PFKFB3: variants seen among roughly 807,000 people sequenced by gnomAD.
PFKFB3 encodes the protein 6-phosphofructo-2-kinase/fructose-2,6-bisphosphatase 3.
In PFKFB3, 33 loss-of-function variants were observed where a neutral mutation model predicts 68.0. That is an observed-to-expected ratio of 0.49 (90% CI 0.37 to 0.65). The LOEUF (loss-of-function observed/expected upper bound fraction) is 0.65, where lower values mean the gene tolerates loss of function less well. Ranked by LOEUF, PFKFB3 falls within the 30% of genes least tolerant of loss-of-function variation. The pLI, the probability that PFKFB3 is intolerant of heterozygous loss-of-function variation, is 0.00. For missense variants in PFKFB3, 586 were observed against 712.2 expected (o/e 0.82, Z 2.02); for synonymous variants, 315 against 288.2 (o/e 1.09, Z -0.94).
At chr10:6,237,075 AG>A (rs1345814827), downstream of PFKFB3, among the ~76,000 whole-genome samples, 1 of 152,194 alleles carries the variant, frequency 6.6e-6, no homozygotes, top group African/African-American at 2.4e-5. Flanking sequence ...CACCCACCGC[AG>A]GGCCTTCGAG....
chr10:6,161,587 TATATATATACACACACAC>T (rs947053880), intron 1 of PFKFB3, among the ~76,000 whole-genome samples: 2 of 150,738 alleles, frequency 1.3e-5, no homozygotes, highest in African/African-American at 4.9e-5. Context: ...CACACACACA[TATATATATACACACACAC>T]ATATATATAC....
chr10:6,208,371 CTTTTTTTT>C (rs35447462), intron 1 of PFKFB3, among the ~76,000 whole-genome samples: 2,599 of 60,756 alleles, frequency 0.043, 209 homozygotes, highest in African/African-American at 0.16. Context: ...GGTACCTGGC[CTTTTTTTT>C]TTTTTTTTTT....
intron 1 of PFKFB3, among the ~76,000 whole-genome samples, chr10:6,192,139 TACACACACACACACACACAC>T (rs60638987): frequency 1.6e-4 from 19 of 119,138 alleles, no homozygotes; most frequent in Middle Eastern, 4.2e-3. Flanking sequence ...CATTCCCCAA[TACACACACACACACACACAC>T]ACACACACAC....
At chr10:6,165,554 G>A (rs1842107343) in intron 1 of PFKFB3, among the ~76,000 whole-genome samples, 1 of 152,134 alleles carries the variant, frequency 6.6e-6, no homozygotes, top group South Asian at 2.1e-4. Flanking sequence ...CACAGAGCCG[G>A]CAGGGATGAA....
the PFKFB3 span, among the ~76,000 whole-genome samples, chr10:6,275,405 C>G: frequency 6.6e-6 from 1 of 152,212 alleles, no homozygotes; most frequent in African/African-American, 2.4e-5. This position sits in a 1 kb window ranked among gnomAD's most constrained non-coding sequence, Gnocchi z 4.9. Context: ...AAGTAGCTGA[C>G]ACTCCATGCC....
At position 6,223,955 on chromosome 10, in the gene PFKFB3, C is replaced by T. The variant is rs532640202; in HGVS notation, c.1214-3C>T. On this transcript the variant is annotated splice_polypyrimidine_tract_variant and splice_region_variant and intron_variant, in intron 11 of 14. Transcript: ENST00000379775. ...AACTGTGGGTGTACAATTTCAATTT[C>T]AGAGGAGATGCCCTACCTGAAATGC... 1 of 1,613,776 alleles carries T rather than the reference C, an allele frequency of 6.2e-7. No homozygotes were observed. The highest frequency in any genetic ancestry group is 1.1e-5 in the South Asian group (1 of 91,086).
At chr10:6,205,008 T>C (rs1297363686) in intron 1 of PFKFB3, among the ~76,000 whole-genome samples, 5 of 152,250 alleles carry the variant, frequency 3.3e-5, no homozygotes, top group Non-Finnish European at 5.9e-5. Flanking sequence ...GCTTGGATCC[T>C]GATCCATTAG....
In PFKFB3 at chr10:6,221,741, G is replaced by C. The variant is rs1422105617; in HGVS notation, c.1079G>C (p.Gly360Ala). The C allele has an allele frequency of 1.3e-6, 2 of 1,594,998 alleles. No individual in the cohort carries two copies. The change falls in exon 10 of 15, where the codon GGG becomes GCG. Residue 360 changes from glycine to alanine, a missense_variant. Transcript: ENST00000379775. Reference sequence around the variant, plus strand: ...AAGTACTATTACCGCTACCCCACCGGGGAGGTGAGCGCAGGCTGGGGCGGG... The same window carrying C: ...AAGTACTATTACCGCTACCCCACCGCGGAGGTGAGCGCAGGCTGGGGCGGG... ...QDKYYYRYPT[G>A]ESYQDLVQRL...
the PFKFB3 span, among the ~76,000 whole-genome samples, chr10:6,302,581 A>C: frequency 6.7e-6 from 1 of 149,460 alleles, no homozygotes. Flanking sequence ...GGGTTTCACC[A>C]TGTTGGCCAG....
At chr10:6,207,320 G>T (rs181391489) in intron 1 of PFKFB3, among the ~76,000 whole-genome samples, 2 of 152,222 alleles carry the variant, frequency 1.3e-5, no homozygotes, top group Admixed American at 6.5e-5. Flanking sequence ...TCCTGCAATC[G>T]CAGGCACTCG....
chr10:6,311,543 G>C, the PFKFB3 span, among the ~76,000 whole-genome samples: 2 of 152,110 alleles, frequency 1.3e-5, no homozygotes, highest in Admixed American at 1.3e-4. Context: ...GAGGTCAGGA[G>C]CTCGAGACCA....
At chr10:6,310,576 T>G in the PFKFB3 span, among the ~76,000 whole-genome samples, 1 of 152,230 alleles carries the variant, frequency 6.6e-6, no homozygotes, top group Admixed American at 6.5e-5. Flanking sequence ...ATAGATTTCT[T>G]CTGTTGGCTG....
At chr10:6,262,205 A>T in the PFKFB3 span, among the ~76,000 whole-genome samples, 1 of 152,060 alleles carries the variant, frequency 6.6e-6, no homozygotes, top group Non-Finnish European at 1.5e-5. Flanking sequence ...CTGTAGTCCC[A>T]GCAGTTTGGG....
the PFKFB3 span, among the ~76,000 whole-genome samples, chr10:6,292,584 T>C: frequency 5.3e-5 from 8 of 151,628 alleles, no homozygotes; most frequent in Non-Finnish European, 8.8e-5. Context: ...CCACCGTGCC[T>C]GGCCCGAAAC....
At chr10:6,279,565 T>C in the PFKFB3 span, among the ~76,000 whole-genome samples, 1 of 152,136 alleles carries the variant, frequency 6.6e-6, no homozygotes, top group Non-Finnish European at 1.5e-5. Flanking sequence ...CTTCCTGCTG[T>C]GTTTGCTGTC....
At chr10:6,237,593 G>A (rs1846044778), downstream of PFKFB3, among the ~76,000 whole-genome samples, 1 of 152,192 alleles carries the variant, frequency 6.6e-6, no homozygotes, top group South Asian at 2.1e-4. Context: ...TTTTGAGACA[G>A]GGTTTTGCTC....
At chr10:6,325,383 G>T in the PFKFB3 span, among the ~76,000 whole-genome samples, 1 of 152,336 alleles carries the variant, frequency 6.6e-6, no homozygotes, top group South Asian at 2.1e-4. Context: ...GTAATCACAA[G>T]CAGATTACAT....
intron 2 of PFKFB3, among the ~76,000 whole-genome samples, chr10:6,214,081 C>CT: frequency 6.6e-6 from 1 of 152,338 alleles, no homozygotes; most frequent in East Asian, 1.9e-4. Flanking sequence ...GCTGATAGCC[C>CT]TAAGCACTGC....
At chr10:6,217,252 C>G in intron 6 of PFKFB3, 61 bp downstream of exon 6, 1 of 1,442,276 alleles carries the variant, frequency 6.9e-7, no homozygotes, top group South Asian at 1.1e-5. Context: ...CATTTGCAGT[C>G]TGAGGAAGTG....
Sources: allele counts gnomAD v4.1 joint callset (sites outside exome capture counted in the v4.1 genomes callset), GRCh38; gene constraint gnomAD v4.1.1; non-coding constraint Gnocchi (gnomAD v3.1); transcripts MANE v1.5; gene names NCBI Gene and HGNC (gene_info 2026-07-23, HGNC 2026-07-21).